The following KIAA2012 variants were observed in gnomAD, a reference collection of about 807,000 sequenced individuals.
The protein encoded by KIAA2012 is uncharacterized protein KIAA2012.
In KIAA2012, 125 loss-of-function variants were observed where a neutral mutation model predicts 150.6. The ratio of observed to expected loss-of-function variants is 0.83; its 90% CI spans 0.72 to 0.96. The LOEUF is 0.96. KIAA2012 is among the 40% of genes least tolerant of loss of function. The probability of loss-of-function intolerance (pLI) is 0.00; values close to 1 mark genes in which losing one functional copy is unlikely to be tolerated. For missense variants in KIAA2012, 1,219 were observed against 1,354.9 expected, an observed-to-expected ratio of 0.90 and a Z score of 1.57; for synonymous variants, 462 against 504.7, an observed-to-expected ratio of 0.92 and a Z score of 1.13.
At chr2:202,120,677 T>G (rs1419152310) in intron 11 of KIAA2012, among the ~76,000 whole-genome samples, 2 of 152,210 alleles carry the variant, frequency 1.3e-5, no homozygotes, top group Non-Finnish European at 2.9e-5. Flanking sequence ...CCTGGGTCTC[T>G]TACCAAGCAC....
chr2:202,104,061 C>T lies in KIAA2012; in HGVS notation c.1324+947C>T, dbSNP rs993393554. ...CACAGGCAGCCATTTTGTTCTAAGC[C>T]TGTTTGGACTTCTTACTGGAAAGAA... On this transcript the variant is annotated intron_variant, in intron 8 of 23. Coordinates refer to ENST00000498697, the MANE Select transcript of KIAA2012 (RefSeq NM_001277372.4). This position sits in a 1 kb window ranked among gnomAD's most constrained non-coding sequence, Gnocchi z 4.3. Among the ~76,000 whole-genome samples the T allele has an allele frequency of 2.0e-5, 3 of 152,162 alleles. No homozygotes were observed. Among genetic ancestry groups the T allele is most frequent in the African/African-American group, 7.2e-5 (3 of 41,422 alleles).
At position 202,105,770 on chromosome 2, in the gene KIAA2012, A is replaced by G; in HGVS notation, c.1334A>G (p.His445Arg). Residue 445 changes from histidine to arginine, a missense_variant, in exon 9 of 24, where the codon CAC becomes CGC. Physicochemically the swap from His to Arg is conservative, Grantham distance 29. Transcript: ENST00000498697. ...KEKAHRRGAP[H>R]PESEPESSEE... is the part of the protein sequence containing the mutation. ...CCTCTTTGTCTCCTAGGTGCTCCAC[A>G]CCCTGAGTCAGAACCAGAAAGCAGC... 2.6e-6 allele frequency: 4 copies of G among 1,550,538 alleles called. No individual in the cohort carries two copies. The South Asian group carries it at 4.8e-5, about 18-fold the overall frequency.
At chr2:202,091,746 G>A (rs1478071275) in intron 3 of KIAA2012, among the ~76,000 whole-genome samples, 1 of 152,202 alleles carries the variant, frequency 6.6e-6, no homozygotes, top group Non-Finnish European at 1.5e-5. Context: ...GATGAGAAGA[G>A]TGAGCAGAGA....
intron 2 of KIAA2012, among the ~76,000 whole-genome samples, chr2:202,077,276 G>T (rs981658262): frequency 2.0e-5 from 3 of 152,056 alleles, no homozygotes; most frequent in African/African-American, 7.2e-5. Context: ...TATTTTCCTG[G>T]TTGGACACTG....
rs868118819 is a variant in KIAA2012, at chr2:202,128,699, A to G, written c.1831+3417A>G. ...ATGATTGAAAAGGTTTAGCTACAAC[A>G]TGGGTGAAACAGGCCTTTTTTTTTT... On this transcript the variant is annotated intron_variant, in intron 12 of 23. Coordinates refer to ENST00000498697, the MANE Select transcript of KIAA2012 (RefSeq NM_001277372.4). Among the ~76,000 whole-genome samples, 36 of 147,124 alleles carry G rather than the reference A, an allele frequency of 2.4e-4. No individual in the cohort carries two copies. The Middle Eastern group carries it at 0.011, about 44-fold the overall frequency.
At chr2:202,133,125 TATA>T (rs1559215769) in intron 12 of KIAA2012, among the ~76,000 whole-genome samples, 1 of 109,258 alleles carries the variant, frequency 9.2e-6, no homozygotes, top group African/African-American at 3.7e-5. Flanking sequence ...TATATATATA[TATA>T]TATTTTTTTT....
chr2:202,170,040 C>T (rs1691853371), intron 15 of KIAA2012, among the ~76,000 whole-genome samples: 1 of 152,206 alleles, frequency 6.6e-6, no homozygotes, highest in Non-Finnish European at 1.5e-5. Flanking sequence ...TTCCCAAGCT[C>T]ATCCCCCACC....
In KIAA2012 at chr2:202,133,109, A is replaced by AAAATAT. The variant is rs766606713; in HGVS notation, c.1832-5322_1832-5321insAATATA. 1.1e-3 allele frequency among the ~76,000 whole-genome samples: 100 copies of AAAATAT among 87,872 alleles called. 2 individuals are homozygous for AAAATAT. The highest frequency in any genetic ancestry group is 7.0e-3 in the East Asian group (25 of 3,574). 57.6% of individuals were successfully genotyped at this position (87,872 alleles called of 152,430 possible). On this transcript the variant is annotated intron_variant, in intron 12 of 23. Coordinates refer to ENST00000498697, the MANE Select transcript of KIAA2012 (RefSeq NM_001277372.4). Reference sequence around the variant, plus strand: ...GACAGTGTGAGACTGTCTAAAAAAAAATATATATATATATATATATATTTT... The same window carrying AAAATAT: ...GACAGTGTGAGACTGTCTAAAAAAAAAAATATATATATATATATATATATATATTTT...
chr2:202,187,192 G>C, intron 17 of KIAA2012, 94 bp downstream of exon 17: 1 of 1,368,752 alleles, frequency 7.3e-7, no homozygotes, highest in Non-Finnish European at 9.8e-7. Context: ...CACTATATGA[G>C]GGCACCCGAT....
intron 13 of KIAA2012, among the ~76,000 whole-genome samples, chr2:202,143,840 C>T (rs1477248812): frequency 6.6e-6 from 1 of 152,098 alleles, no homozygotes; most frequent in Non-Finnish European, 1.5e-5. Flanking sequence ...GGCATTTTAT[C>T]CCTCTAACTC....
chr2:202,172,029 T>C (rs1691904794), intron 15 of KIAA2012, among the ~76,000 whole-genome samples: 3 of 152,274 alleles, frequency 2.0e-5, no homozygotes, highest in Non-Finnish European at 4.4e-5. Flanking sequence ...GTATTTTTAG[T>C]AGAGACGGGT....
At chr2:202,181,776 G>A (rs1692125307) in intron 15 of KIAA2012, among the ~76,000 whole-genome samples, 1 of 151,996 alleles carries the variant, frequency 6.6e-6, no homozygotes, top group African/African-American at 2.4e-5. Context: ...AGATTTTTTT[G>A]GTTCTTGTTT....
chr2:202,182,108 CTTTT>C (rs754494077), intron 15 of KIAA2012, among the ~76,000 whole-genome samples: 2 of 104,122 alleles, frequency 1.9e-5, no homozygotes, highest in Non-Finnish European at 3.9e-5. Context: ...TTTCTTTATT[CTTTT>C]TTTTTTTTTT....
chr2:202,109,882 A>G (rs1253272757), intron 10 of KIAA2012, 93 bp downstream of exon 10: 14 of 1,177,870 alleles, frequency 1.2e-5, no homozygotes, highest in Admixed American at 1.2e-4. Flanking sequence ...AGTTTTCTGA[A>G]AGGCATTCCA....
chr2:202,163,621 T>C (rs1233705889), intron 14 of KIAA2012, among the ~76,000 whole-genome samples: 3 of 152,172 alleles, frequency 2.0e-5, no homozygotes, highest in African/African-American at 7.2e-5. Flanking sequence ...CTGTGTGTTG[T>C]TGAGACTGAA....
At chr2:202,192,871 C>T (rs1229408215) in intron 19 of KIAA2012, among the ~76,000 whole-genome samples, 5 of 152,182 alleles carry the variant, frequency 3.3e-5, no homozygotes, top group Non-Finnish European at 7.3e-5. Context: ...CCACTTCAGC[C>T]TCCCAAAATG....
intron 14 of KIAA2012, among the ~76,000 whole-genome samples, chr2:202,162,134 C>T (rs1157826026): frequency 6.6e-6 from 1 of 151,952 alleles, no homozygotes; most frequent in African/African-American, 2.4e-5. Flanking sequence ...CCTTGAACAA[C>T]TGGAGTTGCT....
At chr2:202,119,046 A>G (rs1380958283) in intron 11 of KIAA2012, among the ~76,000 whole-genome samples, 1 of 152,156 alleles carries the variant, frequency 6.6e-6, no homozygotes, top group Admixed American at 6.6e-5. Context: ...ACTGTAATCC[A>G]CTTTGGGAGG....
chr2:202,160,423 C>T (rs554724550), intron 14 of KIAA2012, among the ~76,000 whole-genome samples: 1 of 150,996 alleles, frequency 6.6e-6, no homozygotes, highest in African/African-American at 2.4e-5. Context: ...ACGCCATTCT[C>T]CTGCCTCAGC....
Sources: gnomAD v4.1 joint callset for allele counts (sites outside exome capture counted in the v4.1 genomes callset) on GRCh38, gnomAD v4.1.1 for gene constraint, Gnocchi (gnomAD v3.1) non-coding constraint, MANE v1.5 for transcripts, NCBI Gene and HGNC (gene_info 2026-07-23, HGNC 2026-07-21) for gene names.